The following MED12L variants were observed in gnomAD, a reference collection of about 807,000 sequenced individuals.
The protein encoded by MED12L is mediator of RNA polymerase II transcription subunit 12-like protein.
A neutral mutation model predicts 281.3 loss-of-function variants in MED12L; 60 were observed. The observed-to-expected ratio is 0.21, with a 90% CI of 0.17 to 0.26. MED12L has a LOEUF of 0.26. MED12L is among the 10% of genes least tolerant of loss of function. The probability of loss-of-function intolerance (pLI) is 1.00; values close to 1 mark genes in which losing one functional copy is unlikely to be tolerated. For missense variants in MED12L, 2,146 were observed against 2,680.9 expected, an observed-to-expected ratio of 0.80 and a Z score of 4.41; for synonymous variants, 974 against 987.2, an observed-to-expected ratio of 0.99 and a Z score of 0.25.
rs373800767 is a variant in MED12L at position 151,366,033 on chromosome 3, A to G, written c.3327+42A>G. 1.5e-5 allele frequency: 22 copies of G among 1,444,766 alleles called. No individual in the cohort carries two copies. The African/African-American group carries it at 2.7e-4, about 18-fold the overall frequency. The allele number at this position is 1,444,766 out of a possible 1,614,324, so 89.5% of individuals were successfully genotyped here. ...ATTTAAAAATTGAACTGTGCAATTA[A>G]ATATTTAGTTAGTGGGTAATCTTTT... On this transcript the variant is annotated intron_variant, in intron 23 of 44. Transcript: ENST00000687756.
chr3:151,304,149 G>A (rs1056795723), intron 16 of MED12L, among the ~76,000 whole-genome samples: 7 of 152,268 alleles, frequency 4.6e-5, no homozygotes, highest in African/African-American at 1.4e-4. Context: ...GGAAGTGGAG[G>A]CAGCAATCTC....
chr3:151,343,838 T>G (rs1330645441), intron 16 of MED12L, among the ~76,000 whole-genome samples: 2 of 152,208 alleles, frequency 1.3e-5, no homozygotes, highest in Admixed American at 1.3e-4. Context: ...CTCTGAAACC[T>G]GTAGTCTTTT....
At chr3:151,329,501 C>A (rs770903652) in intron 16 of MED12L, 1 of 1,547,656 alleles carries the variant, frequency 6.5e-7, no homozygotes, top group Non-Finnish European at 8.7e-7. Context: ...ATACTCAGTT[C>A]TCTCTGTCTT....
intron 16 of MED12L, among the ~76,000 whole-genome samples, chr3:151,302,651 G>C (rs568637559): frequency 6.6e-6 from 1 of 152,134 alleles, no homozygotes; most frequent in Non-Finnish European, 1.5e-5. Context: ...TCAGCCATAT[G>C]CCTGAGTTTA....
intron 17 of MED12L, 87 bp downstream of exon 17, chr3:151,350,293 T>G (rs557688865): frequency 7.5e-7 from 1 of 1,327,906 alleles, no homozygotes; most frequent in Admixed American, 2.1e-5. Flanking sequence ...TCTATGTCAC[T>G]GTCAACAGAG....
At chr3:151,265,695 A>G (rs1739694561) in intron 16 of MED12L, among the ~76,000 whole-genome samples, 1 of 152,170 alleles carries the variant, frequency 6.6e-6, no homozygotes, top group Admixed American at 6.5e-5. Flanking sequence ...CAGTCCTCAT[A>G]GGCCTTCTGG....
intron 20 of MED12L, among the ~76,000 whole-genome samples, chr3:151,357,620 A>T (rs1754088616): frequency 6.6e-6 from 1 of 152,128 alleles, no homozygotes; most frequent in South Asian, 2.1e-4. Context: ...CCTGGTTTCT[A>T]AGTACAAAGC....
chr3:151,141,187 G>GTTTTTTTTTTTTTTTTTTTT (rs76965310), intron 5 of MED12L, among the ~76,000 whole-genome samples: 3 of 99,102 alleles, frequency 3.0e-5, no homozygotes, highest in African/African-American at 9.5e-5. Context: ...TGTTTTTTTT[G>GTTTTTTTTTTTTTTTTTTTT]TTTTTTTTTT....
intron 16 of MED12L, among the ~76,000 whole-genome samples, chr3:151,326,081 A>G (rs746329131): frequency 1.3e-5 from 2 of 152,202 alleles, no homozygotes; most frequent in African/African-American, 2.4e-5. Context: ...GATTTTGTCA[A>G]TAGCTTTAAA....
At chr3:151,365,280 G>C (rs1046307367) in intron 22 of MED12L, 74 bp downstream of exon 22, 3 of 1,227,230 alleles carry the variant, frequency 2.4e-6, no homozygotes, top group East Asian at 2.3e-5. Context: ...AATTGATGTC[G>C]TTAGTAAGTG....
At chr3:151,159,805 G>A in intron 7 of MED12L, 27 bp from the exon 8 acceptor site, 1 of 1,594,254 alleles carries the variant, frequency 6.3e-7, no homozygotes, top group South Asian at 1.1e-5. Flanking sequence ...AGACATGACT[G>A]AAGTCTGGTG....
At chr3:151,173,749 A>G (rs920788257) in intron 11 of MED12L, among the ~76,000 whole-genome samples, 4 of 152,180 alleles carry the variant, frequency 2.6e-5, no homozygotes, top group Non-Finnish European at 5.9e-5. Context: ...TGTCTGTACA[A>G]TGGCCTTACT....
intron 39 of MED12L, among the ~76,000 whole-genome samples, chr3:151,408,406 A>G (rs138076097): frequency 6.6e-6 from 1 of 152,364 alleles, no homozygotes; most frequent in African/African-American, 2.4e-5. Context: ...ACTTTTTAAA[A>G]TGAGAATCTC....
intron 16 of MED12L, among the ~76,000 whole-genome samples, chr3:151,280,512 A>G (rs1742633132): frequency 6.6e-6 from 1 of 152,172 alleles, no homozygotes; most frequent in Non-Finnish European, 1.5e-5. Context: ...TACTGCCTTT[A>G]TATGTCTCCT....
chr3:151,203,675 A>G (rs1466497953), intron 16 of MED12L, among the ~76,000 whole-genome samples: 2 of 152,042 alleles, frequency 1.3e-5, no homozygotes, highest in Non-Finnish European at 2.9e-5. Context: ...TATACATTTT[A>G]TTTATCTTAT....
At chr3:151,430,410 C>T (rs1406146819) in intron 44 of MED12L, 30 bp downstream of exon 44, 3 of 1,610,960 alleles carry the variant, frequency 1.9e-6, no homozygotes, top group Admixed American at 1.7e-5. Context: ...ATGGAACAGA[C>T]AGCTCCCGGA....
At chr3:151,087,830 A>T (rs1719487156) in intron 2 of MED12L, among the ~76,000 whole-genome samples, 1 of 151,958 alleles carries the variant, frequency 6.6e-6, no homozygotes, top group Admixed American at 6.5e-5. Context: ...TTATGTAACA[A>T]GTCTCTAGTT....
chr3:151,412,468 T>C (rs1022167880), intron 41 of MED12L, among the ~76,000 whole-genome samples: 1 of 152,218 alleles, frequency 6.6e-6, no homozygotes, highest in African/African-American at 2.4e-5. Flanking sequence ...GTAAAACGTG[T>C]CCATCTAGTG....
chr3:151,266,534 C>G (rs1305974161), intron 16 of MED12L, among the ~76,000 whole-genome samples: 1 of 152,226 alleles, frequency 6.6e-6, no homozygotes, highest in Non-Finnish European at 1.5e-5. Context: ...AATCGCGTTT[C>G]AATTTTGACT....
Sources: gnomAD v4.1 joint callset for allele counts (sites outside exome capture counted in the v4.1 genomes callset) on GRCh38, gnomAD v4.1.1 for gene constraint, MANE v1.5 for transcripts, NCBI Gene and HGNC (gene_info 2026-07-23, HGNC 2026-07-21) for gene names.